Variants in BHMT2 observed in about 807,000 individuals in gnomAD.
BHMT2 encodes the protein S-methylmethionine--homocysteine S-methyltransferase BHMT2.
In BHMT2, 28 loss-of-function variants were observed where a neutral mutation model predicts 39.0. That is an observed-to-expected ratio of 0.72 (90% CI 0.53 to 0.98). The LOEUF (loss-of-function observed/expected upper bound fraction) is 0.98, where lower values mean the gene tolerates loss of function less well. BHMT2 is among the 50% of genes least tolerant of loss of function. The pLI is 0.00. For missense variants in BHMT2, 410 were observed against 455.6 expected (o/e 0.90, Z 0.91); for synonymous variants, 145 against 160.6 (o/e 0.90, Z 0.74).
At chr5:79,071,429 C>G (rs2112690895) in intron 1 of BHMT2, among the ~76,000 whole-genome samples, 1 of 152,248 alleles carries the variant, frequency 6.6e-6, no homozygotes, top group Middle Eastern at 3.4e-3. Context: ...AGAGGTCTTA[C>G]GTAGTGATAT....
intron 6 of BHMT2, 88 bp downstream of exon 6, chr5:79,083,462 A>C: frequency 6.7e-7 from 1 of 1,496,762 alleles, no homozygotes; most frequent in Non-Finnish European, 8.9e-7. Context: ...TTTTACAATA[A>C]GAGACTGCAT....
At chr5:79,086,930 A>G (rs1254808918) in intron 7 of BHMT2, among the ~76,000 whole-genome samples, 6 of 150,068 alleles carry the variant, frequency 4.0e-5, no homozygotes, top group Non-Finnish European at 7.4e-5. Context: ...GGATCATTGT[A>G]TTTCACACAC....
chr5:79,085,348 T>C (rs533415878), intron 7 of BHMT2, among the ~76,000 whole-genome samples: 1 of 152,362 alleles, frequency 6.6e-6, no homozygotes, highest in South Asian at 2.1e-4. Flanking sequence ...GAAAGTTCCA[T>C]AATCACTTTA....
chr5:79,082,890 A>G lies in BHMT2; in HGVS notation c.532A>G (p.Ile178Val). The G allele has an allele frequency of 3.1e-6, 5 of 1,614,236 alleles. No individual in the cohort carries two copies. Among genetic ancestry groups the G allele is most frequent in the South Asian group, 1.1e-5 (1 of 91,080 alleles). ...TAGACCCGTGGCAGTTACCATGTGCATAGGCCCAGAGGGAGACATGCATGA... is the reference window on the plus strand; with the variant it reads ...TAGACCCGTGGCAGTTACCATGTGCGTAGGCCCAGAGGGAGACATGCATGA... ...SDRPVAVTMC[I>V]GPEGDMHDIT... The change falls in exon 5 of 8, where the codon ATA (isoleucine) becomes GTA (valine). Residue 178 changes from isoleucine to valine, a missense_variant. By Grantham distance (29) the Ile-to-Val change is conservative. Transcript: ENST00000255192.
chr5:79,088,360 G>GTGTGTT, intron 7 of BHMT2, 133 bp from the exon 8 acceptor site: 1 of 253,900 alleles, frequency 3.9e-6, no homozygotes, highest in Non-Finnish European at 6.8e-6. Flanking sequence ...AGTTTTGACT[G>GTGTGTT]TGTGTGTGTG....
intron 1 of BHMT2, among the ~76,000 whole-genome samples, chr5:79,072,697 G>T (rs1435313168): frequency 1.3e-5 from 2 of 152,178 alleles, no homozygotes; most frequent in East Asian, 1.9e-4. Flanking sequence ...AAGTTAAGCA[G>T]GACACAAAAG....
intron 2 of BHMT2, 72 bp downstream of exon 2, chr5:79,077,684 GA>G: frequency 6.5e-7 from 1 of 1,526,968 alleles, no homozygotes; most frequent in Non-Finnish European, 8.9e-7. Context: ...AGAAGATCAA[GA>G]AAAAAATAAC....
intron 7 of BHMT2, among the ~76,000 whole-genome samples, chr5:79,087,099 G>A: frequency 6.8e-6 from 1 of 147,268 alleles, no homozygotes; most frequent in Non-Finnish European, 1.5e-5. Flanking sequence ...TCTAGAACTA[G>A]TCACAATCTC....
intron 7 of BHMT2, among the ~76,000 whole-genome samples, chr5:79,085,640 C>A (rs1457240017): frequency 6.6e-6 from 1 of 152,110 alleles, no homozygotes; most frequent in Admixed American, 6.5e-5. Context: ...CAAGATTGTG[C>A]CACTTAACTC....
chr5:79,086,588 A>G (rs515559), intron 7 of BHMT2, among the ~76,000 whole-genome samples: 79,003 of 151,952 alleles, frequency 0.52, 22,205 homozygotes, highest in Non-Finnish European at 0.61. Context: ...ATAAAGAGAA[A>G]TAATCCTATT....
chr5:79,082,711 C>T, intron 4 of BHMT2, 98 bp from the exon 5 acceptor site: 1 of 1,409,432 alleles, frequency 7.1e-7, no homozygotes, highest in Non-Finnish European at 9.7e-7. Flanking sequence ...TGTTTATATT[C>T]TATTTGGTAA....
intron 7 of BHMT2, among the ~76,000 whole-genome samples, chr5:79,084,908 A>G (rs1220538195): frequency 6.6e-6 from 1 of 152,138 alleles, no homozygotes; most frequent in African/African-American, 2.4e-5. Flanking sequence ...AAAATTATAT[A>G]TTTAACCACC....
intron 1 of BHMT2, among the ~76,000 whole-genome samples, chr5:79,074,186 T>C (rs1365515001): frequency 6.6e-6 from 1 of 152,222 alleles, no homozygotes; most frequent in Non-Finnish European, 1.5e-5. Flanking sequence ...GTAAATTTTT[T>C]ATGTACCCAT....
chr5:79,080,036 A>G (rs1236601389), intron 3 of BHMT2, among the ~76,000 whole-genome samples: 1 of 152,234 alleles, frequency 6.6e-6, no homozygotes, highest in East Asian at 1.9e-4. Flanking sequence ...AAAGCACTTC[A>G]TAGATGCTCT....
rs772402056 is a variant in BHMT2 at position 79,077,575 on chromosome 5, C to A, written c.129C>A (p.Leu43=). Reference sequence around the variant, plus strand: ...AGAGAGGCTATGTGAAGGCTGGGCTCTGGACTCCAGAGGCAGTGATAGAAC... The same window carrying A: ...AGAGAGGCTATGTGAAGGCTGGGCTATGGACTCCAGAGGCAGTGATAGAAC... ...LEKRGYVKAG[L]WTPEAVIEHP... is the part of the protein sequence containing the mutation. Residue 43 remains leucine, a synonymous_variant, in exon 2 of 8, where the codon CTC becomes CTA. Transcript: ENST00000255192. 3.1e-6 allele frequency: 5 copies of A among 1,613,928 alleles called. No individual in the cohort carries two copies. The South Asian group carries it at 5.5e-5, about 18-fold the overall frequency.
At chr5:79,070,901 A>G (rs1307832332) in intron 1 of BHMT2, among the ~76,000 whole-genome samples, 1 of 152,240 alleles carries the variant, frequency 6.6e-6, no homozygotes, top group Non-Finnish European at 1.5e-5. Context: ...CAAGATGTGG[A>G]ATATTGGTTT....
intron 7 of BHMT2, among the ~76,000 whole-genome samples, chr5:79,088,153 C>T (rs1321307820): frequency 6.6e-6 from 1 of 152,202 alleles, no homozygotes. Context: ...GCACTCCAGC[C>T]TGGGCAACAG....
chr5:79,082,922 C>G lies in BHMT2; in HGVS notation c.564C>G (p.Thr188=), dbSNP rs779953694. The G allele has an allele frequency of 6.2e-7, 1 of 1,614,042 alleles. No individual in the cohort carries two copies. The highest frequency in any genetic ancestry group is 8.5e-7 in the Non-Finnish European group (1 of 1,180,018). ...CAGAGGGAGACATGCATGATATAACCCCCGGAGAATGTGCTGTGAGGCTGG... is the reference window on the plus strand; with the variant it reads ...CAGAGGGAGACATGCATGATATAACGCCCGGAGAATGTGCTGTGAGGCTGG... ...IGPEGDMHDI[T]PGECAVRLVK... The change falls in exon 5 of 8, where the codon ACC becomes ACG. Residue 188 remains threonine (T), a synonymous_variant. Coordinates refer to ENST00000255192, the MANE Select transcript of BHMT2 (RefSeq NM_017614.5).
chr5:79,083,059 C>T, intron 5 of BHMT2, 103 bp downstream of exon 5: 1 of 1,574,688 alleles, frequency 6.4e-7, no homozygotes, highest in Non-Finnish European at 8.7e-7. Context: ...GAAGAATGAA[C>T]TCCAATCAGT....
Sources: gnomAD v4.1 joint callset for allele counts (sites outside exome capture counted in the v4.1 genomes callset) on GRCh38, gnomAD v4.1.1 for gene constraint, MANE v1.5 for transcripts, NCBI Gene and HGNC (gene_info 2026-07-23, HGNC 2026-07-21) for gene names.